The following FAM168A variants were observed in gnomAD, a reference collection of about 807,000 sequenced individuals.
The protein encoded by FAM168A is protein FAM168A.
FAM168A carries 3 observed loss-of-function variants against 28.5 expected under a neutral mutation model. The observed-to-expected ratio is 0.11, with a 90% CI of 0.05 to 0.27. FAM168A has a LOEUF of 0.27. Ranked by LOEUF, FAM168A falls within the 10% of genes least tolerant of loss-of-function variation. FAM168A has a pLI of 1.00. For synonymous variants in FAM168A, 122 were observed against 124.2 expected (o/e 0.98, Z 0.12); for missense variants, 222 against 311.5 (o/e 0.71, Z 2.16).
At chr11:73,548,909 T>A (rs1321173658) in intron 1 of FAM168A, among the ~76,000 whole-genome samples, 2 of 152,130 alleles carry the variant, frequency 1.3e-5, no homozygotes, top group Non-Finnish European at 2.9e-5. Flanking sequence ...GTGCTGGGAT[T>A]ATAGGAGTGA....
intron 1 of FAM168A, among the ~76,000 whole-genome samples, chr11:73,523,394 C>G (rs749227966): frequency 1.3e-5 from 2 of 151,868 alleles, no homozygotes; most frequent in Non-Finnish European, 2.9e-5. Flanking sequence ...AAGTTGGGCT[C>G]AAGTGATCCT....
At chr11:73,442,753 T>C (rs2134532305) in intron 2 of FAM168A, among the ~76,000 whole-genome samples, 1 of 151,586 alleles carries the variant, frequency 6.6e-6, no homozygotes, top group East Asian at 1.9e-4. Flanking sequence ...TTATATTCTA[T>C]TATTGGAGTG....
chr11:73,533,967 T>C (rs1943545710), intron 1 of FAM168A, among the ~76,000 whole-genome samples: 1 of 152,170 alleles, frequency 6.6e-6, no homozygotes, highest in African/African-American at 2.4e-5. Flanking sequence ...TCACACAGCT[T>C]GTTAAGCAAT....
chr11:73,574,454 A>G (rs1316004762), intron 1 of FAM168A, among the ~76,000 whole-genome samples: 1 of 152,138 alleles, frequency 6.6e-6, no homozygotes, highest in Non-Finnish European at 1.5e-5. Flanking sequence ...CATCTATCTA[A>G]CTGCCCCTTA....
chr11:73,571,870 G>A (rs1008297821), intron 1 of FAM168A, among the ~76,000 whole-genome samples: 1 of 151,704 alleles, frequency 6.6e-6, no homozygotes, highest in Non-Finnish European at 1.5e-5. Context: ...CATCGTCTGA[G>A]ATGTGGGGAG....
chr11:73,570,640 G>C (rs1335887568), intron 1 of FAM168A, among the ~76,000 whole-genome samples: 1 of 151,266 alleles, frequency 6.6e-6, no homozygotes, highest in African/African-American at 2.4e-5. Context: ...AGGCTCAAGT[G>C]TAGAGATCAC....
In FAM168A at chr11:73,548,174, A is replaced by G. The variant is rs1943783289; in HGVS notation, c.-19+49749T>C. 2.0e-5 allele frequency among the ~76,000 whole-genome samples: 3 copies of G among 152,214 alleles called. No homozygotes were observed. In the South Asian group the frequency reaches 6.2e-4, roughly 31 times the overall value. ...AGAGATCTGTTATGCAACAATGTAA[A>G]TTAGTTACTACTACTAAACTATACA... On this transcript the variant is annotated intron_variant, in intron 1 of 7. Coordinates refer to ENST00000356467, the MANE Select transcript of FAM168A (RefSeq NM_015159.3).
At chr11:73,526,973 C>T (rs1943455310) in intron 1 of FAM168A, among the ~76,000 whole-genome samples, 1 of 150,382 alleles carries the variant, frequency 6.6e-6, no homozygotes, top group African/African-American at 2.4e-5. Flanking sequence ...AAGTAGATCA[C>T]AGGTTAGCTT....
chr11:73,484,584 C>CGA (rs1565265795), intron 1 of FAM168A, among the ~76,000 whole-genome samples: 186 of 65,518 alleles, frequency 2.8e-3, no homozygotes, highest in African/African-American at 8.9e-3. Context: ...ATATCGATAT[C>CGA]TATCTATATA....
intron 3 of FAM168A, chr11:73,430,317 T>G (rs1358937608): frequency 1.8e-5 from 5 of 274,174 alleles, no homozygotes. Flanking sequence ...AAGGGGTGTG[T>G]GGGTGTGTGT....
intron 1 of FAM168A, among the ~76,000 whole-genome samples, chr11:73,491,020 A>G (rs1222683996): frequency 6.6e-6 from 1 of 152,228 alleles, no homozygotes; most frequent in Non-Finnish European, 1.5e-5. Flanking sequence ...CAGATTATAC[A>G]TAATGAAAGC....
intron 1 of FAM168A, among the ~76,000 whole-genome samples, chr11:73,508,098 T>C (rs1855150828): frequency 6.6e-6 from 1 of 152,166 alleles, no homozygotes; most frequent in Non-Finnish European, 1.5e-5. Flanking sequence ...GTGGTGATAA[T>C]AACATTTTTA....
chr11:73,428,757 A>G (rs917135129), intron 3 of FAM168A, among the ~76,000 whole-genome samples: 1 of 152,218 alleles, frequency 6.6e-6, no homozygotes, highest in African/African-American at 2.4e-5. Context: ...TATATGTCAT[A>G]TTGACTAAAG....
At chr11:73,521,259 G>A (rs1300828527) in intron 1 of FAM168A, among the ~76,000 whole-genome samples, 3 of 152,112 alleles carry the variant, frequency 2.0e-5, no homozygotes, top group East Asian at 1.9e-4. Flanking sequence ...CCCCTCTCCA[G>A]GGAAGCCTGA....
intron 1 of FAM168A, among the ~76,000 whole-genome samples, chr11:73,542,043 C>T (rs1026983269): frequency 2.0e-5 from 3 of 152,212 alleles, no homozygotes; most frequent in Admixed American, 6.5e-5. Context: ...TCCTCTACCT[C>T]ACTGGCTACT....
chr11:73,485,355 A>C (rs1868039405), intron 1 of FAM168A, among the ~76,000 whole-genome samples: 1 of 152,220 alleles, frequency 6.6e-6, no homozygotes, highest in African/African-American at 2.4e-5. Context: ...TTATTGTGGC[A>C]TCCACTAATG....
intron 2 of FAM168A, among the ~76,000 whole-genome samples, chr11:73,463,234 T>C (rs1867680226): frequency 6.6e-6 from 1 of 152,180 alleles, no homozygotes; most frequent in Admixed American, 6.5e-5. Flanking sequence ...CCCAAAGTGC[T>C]GTCATTATAG....
intron 1 of FAM168A, among the ~76,000 whole-genome samples, chr11:73,484,624 A>C (rs113988287): frequency 0.08 from 11,687 of 145,570 alleles, 1,472 homozygotes; most frequent in African/African-American, 0.27. Flanking sequence ...ATATCTATAT[A>C]TAGATATCTA....
At position 73,540,708 on chromosome 11, in the gene FAM168A, C is replaced by A. The variant is rs538547975; in HGVS notation, c.-19+57215G>T. Among the ~76,000 whole-genome samples, 3 of 152,324 alleles carry A rather than the reference C, an allele frequency of 2.0e-5. No homozygotes were observed. The East Asian group carries it at 5.8e-4, about 29-fold the overall frequency. On this transcript the variant is annotated intron_variant, in intron 1 of 7. Transcript: ENST00000356467. The stretch of plus-strand genomic sequence containing the variant: ...AGGCTTTTCTTGATCATCATCCCAA[C>A]ATATGGTGTTTCCTTATCTTGCTTT...
Sources: allele counts gnomAD v4.1 joint callset (sites outside exome capture counted in the v4.1 genomes callset), GRCh38; gene constraint gnomAD v4.1.1; transcripts MANE v1.5; gene names NCBI Gene and HGNC (gene_info 2026-07-23, HGNC 2026-07-21).